Variants in MSRB3 observed in about 807,000 individuals in gnomAD.
The protein encoded by MSRB3 is methionine-R-sulfoxide reductase B3.
A neutral mutation model predicts 21.0 loss-of-function variants in MSRB3; 13 were observed. The ratio of observed to expected loss-of-function variants is 0.62; its 90% CI spans 0.40 to 0.98. The LOEUF is 0.98. Ranked by LOEUF, MSRB3 falls within the 50% of genes least tolerant of loss-of-function variation. The pLI, the probability that MSRB3 is intolerant of heterozygous loss-of-function variation, is 0.00. For synonymous variants in MSRB3, 87 were observed against 88.6 expected (o/e 0.98, Z 0.10); for missense variants, 199 against 230.3 (o/e 0.86, Z 0.88).
At chr12:65,298,282 G>T (rs1873104318) in intron 1 of MSRB3, among the ~76,000 whole-genome samples, 1 of 152,200 alleles carries the variant, frequency 6.6e-6, no homozygotes, top group African/African-American at 2.4e-5. Context: ...GGGAATATGG[G>T]CGTGAGCCAC....
chr12:65,448,875 A>G (rs1354543634), intron 5 of MSRB3, among the ~76,000 whole-genome samples: 1 of 152,132 alleles, frequency 6.6e-6, no homozygotes, highest in Non-Finnish European at 1.5e-5. Context: ...ATTATGAGCC[A>G]TCTTGTTTGA....
At chr12:65,457,378 A>G (rs1008862388) in intron 6 of MSRB3, among the ~76,000 whole-genome samples, 13 of 151,900 alleles carry the variant, frequency 8.6e-5, no homozygotes, top group African/African-American at 2.2e-4. Context: ...CTAGCCCCCA[A>G]TCACCTGACA....
At chr12:65,351,608 C>G (rs1156411796) in intron 4 of MSRB3, among the ~76,000 whole-genome samples, 4 of 148,728 alleles carry the variant, frequency 2.7e-5, no homozygotes, top group African/African-American at 1.0e-4. Context: ...CAAATAGACA[C>G]AATAAAAAAT....
chr12:65,356,619 T>C (rs545103490), intron 4 of MSRB3, among the ~76,000 whole-genome samples: 1 of 152,008 alleles, frequency 6.6e-6, no homozygotes, highest in East Asian at 1.9e-4. Flanking sequence ...TATAAACAAA[T>C]TGGAGTAATT....
At chr12:65,419,024 AC>A in intron 5 of MSRB3, 1 of 712,022 alleles carries the variant, frequency 1.4e-6, no homozygotes, top group Non-Finnish European at 2.5e-6. Flanking sequence ...TGCAGGGTGT[AC>A]CAGGCCTCCA....
At chr12:65,405,663 A>G in intron 5 of MSRB3, among the ~76,000 whole-genome samples, 1 of 152,096 alleles carries the variant, frequency 6.6e-6, no homozygotes, top group East Asian at 1.9e-4. Flanking sequence ...GGGAACCTCA[A>G]TACTGTTTTC....
intron 5 of MSRB3, among the ~76,000 whole-genome samples, chr12:65,412,578 A>C (rs1477066793): frequency 6.6e-6 from 1 of 152,188 alleles, no homozygotes; most frequent in Non-Finnish European, 1.5e-5. Context: ...TAATACTATT[A>C]GGTTGGTGCA....
intron 5 of MSRB3, among the ~76,000 whole-genome samples, chr12:65,391,461 C>T (rs1269973730): frequency 6.6e-6 from 1 of 152,142 alleles, no homozygotes; most frequent in African/African-American, 2.4e-5. Context: ...AGGATATGTG[C>T]TTCTGGTTGT....
At chr12:65,428,413 G>A (rs1881711967) in intron 5 of MSRB3, among the ~76,000 whole-genome samples, 1 of 151,952 alleles carries the variant, frequency 6.6e-6, no homozygotes, top group African/African-American at 2.4e-5. Context: ...TTTATTTTGG[G>A]GGTGCTAAAG....
intron 5 of MSRB3, among the ~76,000 whole-genome samples, chr12:65,431,728 C>T (rs1259602562): frequency 6.6e-6 from 1 of 152,010 alleles, no homozygotes; most frequent in Non-Finnish European, 1.5e-5. Context: ...TTCAGAAATT[C>T]TTAGTGATTA....
intron 4 of MSRB3, among the ~76,000 whole-genome samples, chr12:65,329,505 A>G (rs1477510540): frequency 2.0e-5 from 3 of 151,910 alleles, no homozygotes; most frequent in African/African-American, 4.8e-5. Flanking sequence ...CAAAAATTAG[A>G]TAGGCATGGT....
intron 5 of MSRB3, among the ~76,000 whole-genome samples, chr12:65,403,034 T>A (rs746969479): frequency 1.3e-5 from 2 of 152,182 alleles, no homozygotes; most frequent in Non-Finnish European, 2.9e-5. Context: ...GTATGAGGTG[T>A]CTGTCGACCT....
In MSRB3 at chr12:65,318,478, G is replaced by T. The variant is rs966918311; in HGVS notation, c.77-8348G>T. ...TCTTTTTGATTGCATGTGAAATGTA[G>T]AATGGAAATGAGCCTGTCTGTTTTT... On this transcript the variant is annotated intron_variant, in intron 2 of 6. Coordinates refer to ENST00000308259, the MANE Select transcript of MSRB3 (RefSeq NM_001031679.3). 5.8e-4 allele frequency among the ~76,000 whole-genome samples: 88 copies of T among 152,098 alleles called. 2 individuals are homozygous for T. Among genetic ancestry groups the T allele is most frequent in the Non-Finnish European group, 2.9e-4 (20 of 68,026 alleles).
chr12:65,286,365 A>G (rs1872348024), intron 1 of MSRB3: 1 of 152,226 alleles, frequency 6.6e-6, no homozygotes, highest in African/African-American at 2.4e-5. Flanking sequence ...TATATATGTT[A>G]TGCCAGACAA....
intron 5 of MSRB3, among the ~76,000 whole-genome samples, chr12:65,445,306 C>A (rs1267416430): frequency 6.6e-6 from 1 of 151,662 alleles, no homozygotes; most frequent in East Asian, 1.9e-4. Flanking sequence ...TTCCATGTTC[C>A]CTCTTATCCC....
chr12:65,350,826 C>T (rs1455884736), intron 4 of MSRB3, among the ~76,000 whole-genome samples: 1 of 143,780 alleles, frequency 7.0e-6, no homozygotes, highest in African/African-American at 2.8e-5. Flanking sequence ...TCCTGAGTGA[C>T]CTACAAAGAG....
At chr12:65,428,310 TA>T (rs1178580965) in intron 5 of MSRB3, among the ~76,000 whole-genome samples, 3 of 151,470 alleles carry the variant, frequency 2.0e-5, no homozygotes, top group Non-Finnish European at 4.4e-5. Flanking sequence ...TCTGTGTGTA[TA>T]TTTTTTTTTT....
intron 5 of MSRB3, chr12:65,420,148 C>T (rs1399351993): frequency 2.9e-6 from 1 of 345,676 alleles, no homozygotes; most frequent in African/African-American, 2.2e-5. Context: ...TTCTCAGCAC[C>T]ACTGAAGAGA....
intron 5 of MSRB3, chr12:65,419,583 G>A (rs1881168703): frequency 2.7e-6 from 2 of 730,614 alleles, no homozygotes; most frequent in African/African-American, 3.5e-5. Flanking sequence ...TGTGGACATT[G>A]TCCACAGTAT....
Sources: gnomAD v4.1 joint callset for allele counts (sites outside exome capture counted in the v4.1 genomes callset) on GRCh38, gnomAD v4.1.1 for gene constraint, MANE v1.5 for transcripts, NCBI Gene and HGNC (gene_info 2026-07-23, HGNC 2026-07-21) for gene names.